The following BBS9 variants were observed in gnomAD, a reference collection of about 807,000 sequenced individuals.
The protein encoded by BBS9 is protein PTHB1.
In BBS9, 89 loss-of-function variants were observed where a neutral mutation model predicts 117.7. The ratio of observed to expected loss-of-function variants is 0.76; its 90% CI spans 0.64 to 0.90. BBS9 has a LOEUF of 0.90. Ranked by LOEUF, BBS9 falls within the 40% of genes least tolerant of loss-of-function variation. BBS9 has a pLI of 0.00. For synonymous variants in BBS9, 379 were observed against 370.9 expected, an observed-to-expected ratio of 1.02 and a Z score of -0.25; for missense variants, 982 against 1,042.2, an observed-to-expected ratio of 0.94 and a Z score of 0.80.
intron 9 of BBS9, among the ~76,000 whole-genome samples, chr7:33,334,827 A>C (rs915814834): frequency 5.3e-5 from 8 of 152,228 alleles, no homozygotes; most frequent in African/African-American, 1.9e-4. Flanking sequence ...GCCAGACTCA[A>C]GTCTCCTGCG....
At chr7:33,293,226 C>G (rs919902773) in intron 9 of BBS9, among the ~76,000 whole-genome samples, 4 of 151,812 alleles carry the variant, frequency 2.6e-5, no homozygotes, top group Admixed American at 2.6e-4. Context: ...TGAATACATG[C>G]ATATTATCAT....
intron 3 of BBS9, among the ~76,000 whole-genome samples, chr7:33,153,756 G>A (rs1188632261): frequency 6.6e-6 from 1 of 152,146 alleles, no homozygotes; most frequent in Non-Finnish European, 1.5e-5. Context: ...GATGCTTTAG[G>A]CTGGGATATG....
chr7:33,195,940 A>G (rs17170099), intron 5 of BBS9, among the ~76,000 whole-genome samples: 14,125 of 152,146 alleles, frequency 0.093, 703 homozygotes, highest in South Asian at 0.14. Flanking sequence ...GGTGGAAAAA[A>G]ATACTGTATA....
At chr7:33,271,567 A>T (rs1274700801) in intron 7 of BBS9, among the ~76,000 whole-genome samples, 2 of 152,216 alleles carry the variant, frequency 1.3e-5, no homozygotes, top group Non-Finnish European at 2.9e-5. Context: ...TCCTAATTTC[A>T]GGCAAAACAG....
chr7:33,250,567 T>C (rs1158041488), intron 5 of BBS9, among the ~76,000 whole-genome samples: 5 of 152,248 alleles, frequency 3.3e-5, no homozygotes, highest in Non-Finnish European at 7.3e-5. Context: ...GCCTTTGGTA[T>C]GTATTCTGAA....
At position 33,130,799 on chromosome 7, in the gene BBS9, A is replaced by T. The variant is rs569657948; in HGVS notation, c.-12+758A>T. On this transcript the variant is annotated intron_variant, in intron 1 of 22. Coordinates refer to ENST00000242067, the MANE Select transcript of BBS9 (RefSeq NM_198428.3). ...AATTTTAAAAAACTTTATTTTGAAA[A>T]TAAGTTACAAGTTATTTGTCAGAGT... Among the ~76,000 whole-genome samples the T allele has an allele frequency of 2.0e-5, 3 of 152,164 alleles. No homozygotes were observed. In the East Asian group the frequency reaches 5.8e-4, roughly 29 times the overall value.
At chr7:33,377,358 T>C (rs1040436404) in intron 17 of BBS9, among the ~76,000 whole-genome samples, 1 of 152,212 alleles carries the variant, frequency 6.6e-6, no homozygotes, top group African/African-American at 2.4e-5. Flanking sequence ...CTGGGCTCTC[T>C]CTTCTGTTCT....
chr7:33,403,180 ATGGATCCTG>A (rs1829228658), intron 19 of BBS9, among the ~76,000 whole-genome samples: 2 of 151,550 alleles, frequency 1.3e-5, no homozygotes, highest in African/African-American at 4.9e-5. Context: ...GGTTTGGGGT[ATGGATCCTG>A]TCACCCAGGT....
At chr7:33,449,812 A>G (rs1837525350) in intron 19 of BBS9, among the ~76,000 whole-genome samples, 1 of 152,182 alleles carries the variant, frequency 6.6e-6, no homozygotes. Flanking sequence ...AATAACAGAG[A>G]TACTCTTCCA....
At chr7:33,479,824 T>C (rs116373114) in intron 19 of BBS9, among the ~76,000 whole-genome samples, 1,905 of 152,320 alleles carry the variant, frequency 0.013, 32 homozygotes, top group African/African-American at 0.044. Context: ...GTATCAGTGA[T>C]GTTGAGTGTT....
intron 19 of BBS9, among the ~76,000 whole-genome samples, chr7:33,505,009 A>G (rs771676662): frequency 2.6e-5 from 4 of 152,220 alleles, no homozygotes; most frequent in Non-Finnish European, 5.9e-5. Flanking sequence ...AAAGACTAAT[A>G]TTAGAGGAAA....
At chr7:33,613,648 G>A (rs73092743) in intron 21 of BBS9, among the ~76,000 whole-genome samples, 58 of 151,896 alleles carry the variant, frequency 3.8e-4, no homozygotes, top group Non-Finnish European at 7.5e-4. Flanking sequence ...TTTGATCCTC[G>A]CAACAACCTC....
intron 5 of BBS9, among the ~76,000 whole-genome samples, chr7:33,255,839 A>G (rs1191883518): frequency 6.6e-6 from 1 of 152,170 alleles, no homozygotes; most frequent in Non-Finnish European, 1.5e-5. Flanking sequence ...TTTTAATAGC[A>G]TAGTGGATAA....
Position 33,604,863 on chromosome 7 carries a change from A to G in BBS9, c.2522-2A>G. 1.3e-6 allele frequency: 2 copies of G among 1,597,284 alleles called. No individual in the cohort carries two copies. Among genetic ancestry groups the G allele is most frequent in the Non-Finnish European group, 1.7e-6 (2 of 1,165,044 alleles). On this transcript the variant is annotated splice_acceptor_variant, in intron 21 of 22. Coordinates refer to ENST00000242067, the MANE Select transcript of BBS9 (RefSeq NM_198428.3). LOFTEE classifies it high-confidence loss of function. ...AAAATATTGTTTGTATTTTTCAACT[A>G]GGTGGTTGTACTACAATCCCAGAGT...
At chr7:33,301,459 C>G (rs564822456) in intron 9 of BBS9, among the ~76,000 whole-genome samples, 2 of 151,992 alleles carry the variant, frequency 1.3e-5, no homozygotes, top group Non-Finnish European at 2.9e-5. Context: ...CATCCTTGTG[C>G]TCTCCATGCG....
chr7:33,300,625 T>C (rs1232529276), intron 9 of BBS9, among the ~76,000 whole-genome samples: 2 of 152,096 alleles, frequency 1.3e-5, no homozygotes, highest in East Asian at 3.9e-4. Context: ...TTTTTTTTTT[T>C]TCTTCTGTAA....
intron 5 of BBS9, 44 bp downstream of exon 5, chr7:33,177,635 T>C: frequency 7.6e-7 from 1 of 1,308,870 alleles, no homozygotes; most frequent in East Asian, 2.3e-5. Context: ...AAGTGACAGA[T>C]TTAGAATATT....
At chr7:33,190,682 T>G (rs1336782826) in intron 5 of BBS9, among the ~76,000 whole-genome samples, 1 of 152,186 alleles carries the variant, frequency 6.6e-6, no homozygotes, top group African/African-American at 2.4e-5. Flanking sequence ...TTCTAGTCCA[T>G]GTAAAAGAGG....
Position 33,177,670 on chromosome 7 carries a change from G to C in BBS9, c.442+79G>C, listed in dbSNP as rs1583485026. 3.8e-6 allele frequency: 4 copies of C among 1,046,296 alleles called. No homozygotes were observed. The East Asian group carries it at 9.7e-5, about 25-fold the overall frequency. The allele number at this position is 1,046,296 out of a possible 1,614,324, so 64.8% of individuals were successfully genotyped here. ...TTGGTCATATAAAACAGAGGATTAA[G>C]TGGTTTGACTCTCAGAAAGAGTTAA... On this transcript the variant is annotated intron_variant, in intron 5 of 22. Transcript: ENST00000242067.
Sources: gnomAD v4.1 joint callset for allele counts (sites outside exome capture counted in the v4.1 genomes callset) on GRCh38, gnomAD v4.1.1 for gene constraint, MANE v1.5 for transcripts, NCBI Gene and HGNC (gene_info 2026-07-23, HGNC 2026-07-21) for gene names.